The following IL1RAP variants were observed in gnomAD, a reference collection of about 807,000 sequenced individuals.
IL1RAP encodes interleukin-1 receptor accessory protein.
IL1RAP carries 35 observed loss-of-function variants against 60.7 expected under a neutral mutation model. The ratio of observed to expected loss-of-function variants is 0.58; its 90% CI spans 0.44 to 0.76. The LOEUF is 0.76. IL1RAP is among the 30% of genes least tolerant of loss of function. The pLI, the probability that IL1RAP is intolerant of heterozygous loss-of-function variation, is 0.00. For missense variants in IL1RAP, 572 were observed against 693.9 expected (o/e 0.82, Z 1.97); for synonymous variants, 268 against 250.9 (o/e 1.07, Z -0.64).
intron 9 of IL1RAP, among the ~76,000 whole-genome samples, chr3:190,636,368 T>C (rs1243147504): frequency 2.0e-5 from 3 of 152,194 alleles, no homozygotes; most frequent in African/African-American, 7.2e-5. Context: ...TGCCAGTATT[T>C]GTCTCATGTA....
At chr3:190,529,647 T>C (rs577395574) in intron 1 of IL1RAP, among the ~76,000 whole-genome samples, 2 of 134,472 alleles carry the variant, frequency 1.5e-5, no homozygotes, top group Non-Finnish European at 3.1e-5. Flanking sequence ...ATCGCGCCAC[T>C]GCACTCCAGC....
At chr3:190,606,521 C>A (rs757549617) in intron 4 of IL1RAP, among the ~76,000 whole-genome samples, 1 of 152,226 alleles carries the variant, frequency 6.6e-6, no homozygotes, top group African/African-American at 2.4e-5. Context: ...CTTAGTGCTT[C>A]AATATCAGTT....
intron 3 of IL1RAP, among the ~76,000 whole-genome samples, chr3:190,603,667 C>T (rs2193875): frequency 0.7 from 107,169 of 152,118 alleles, 38,015 homozygotes; most frequent in East Asian, 0.82. Context: ...TCTAAAATCA[C>T]GTATGTGTGT....
chr3:190,652,838 A>T (rs566083957), downstream of IL1RAP, among the ~76,000 whole-genome samples: 3 of 152,352 alleles, frequency 2.0e-5, no homozygotes, highest in South Asian at 6.2e-4. Context: ...CTACTAGAAC[A>T]TACTGGTGAC....
chr3:190,655,577 G>GTGTGTT (rs1355287703), downstream of IL1RAP, among the ~76,000 whole-genome samples: 1 of 150,654 alleles, frequency 6.6e-6, no homozygotes. Flanking sequence ...GTGTGTGTGT[G>GTGTGTT]TGTGTGTGTG....
chr3:190,616,598 T>G (rs1731292828), intron 5 of IL1RAP, among the ~76,000 whole-genome samples: 2 of 152,306 alleles, frequency 1.3e-5, no homozygotes, highest in African/African-American at 4.8e-5. Context: ...TATACCAACT[T>G]TATCTTGAAT....
chr3:190,555,309 C>T (rs1462209388), intron 1 of IL1RAP, among the ~76,000 whole-genome samples: 1 of 152,042 alleles, frequency 6.6e-6, no homozygotes, highest in Non-Finnish European at 1.5e-5. Context: ...CTCCTCTCTA[C>T]TCCGCTTCCT....
chr3:190,554,761 GT>G (rs1725257592), intron 1 of IL1RAP: 1 of 149,168 alleles, frequency 6.7e-6, no homozygotes, highest in Non-Finnish European at 1.5e-5. Flanking sequence ...GTGTGTGTGT[GT>G]GTCTCTAACT....
chr3:190,549,587 G>T (rs1051268655), intron 1 of IL1RAP, among the ~76,000 whole-genome samples: 1 of 152,188 alleles, frequency 6.6e-6, no homozygotes, highest in South Asian at 2.1e-4. Context: ...AGTCGGGGGT[G>T]AGGACAGCTC....
At chr3:190,615,076 A>G (rs867196217) in intron 5 of IL1RAP, among the ~76,000 whole-genome samples, 1 of 150,666 alleles carries the variant, frequency 6.6e-6, no homozygotes, top group South Asian at 2.1e-4. Context: ...TTTTTTCTGC[A>G]TGGCGGAAAA....
intron 5 of IL1RAP, among the ~76,000 whole-genome samples, chr3:190,611,841 G>A (rs1048689172): frequency 3.9e-5 from 6 of 152,068 alleles, no homozygotes; most frequent in African/African-American, 1.4e-4. Flanking sequence ...AGGTAGAAAA[G>A]GAGTGAGGAA....
At chr3:190,637,545 A>T (rs1265597206) in intron 9 of IL1RAP, among the ~76,000 whole-genome samples, 1 of 152,180 alleles carries the variant, frequency 6.6e-6, no homozygotes, top group African/African-American at 2.4e-5. Flanking sequence ...AGATGCAGAC[A>T]TCAGTAAACA....
At chr3:190,604,437 T>C in intron 4 of IL1RAP, 24 bp downstream of exon 4, 1 of 1,604,446 alleles carries the variant, frequency 6.2e-7, no homozygotes, top group Non-Finnish European at 8.5e-7. Flanking sequence ...TGGCAGTGGC[T>C]TTCTCTTTTC....
intron 3 of IL1RAP, among the ~76,000 whole-genome samples, chr3:190,597,628 GC>G (rs1489793428): frequency 1.3e-5 from 2 of 152,122 alleles, no homozygotes; most frequent in Non-Finnish European, 2.9e-5. Context: ...AATTCACATG[GC>G]CCCAACCCAA....
At chr3:190,629,549 G>A in intron 9 of IL1RAP, 51 bp downstream of exon 9, 3 of 1,563,132 alleles carry the variant, frequency 1.9e-6, no homozygotes, top group Non-Finnish European at 2.6e-6. Context: ...TAACATTGTG[G>A]TGAATAAGGA....
Position 190,619,391 on chromosome 3 carries a change from T to C in IL1RAP, c.538-884T>C, listed in dbSNP as rs1204085560. On this transcript the variant is annotated intron_variant, in intron 5 of 11. Transcript: ENST00000447382. ...CATTCCTAGATCTTGATCAGGCCCA[T>C]GAAGATATTTTATTTTTAGTTTCTG... 2.6e-5 allele frequency among the ~76,000 whole-genome samples: 4 copies of C among 152,110 alleles called. No homozygotes were observed. The South Asian group carries it at 8.3e-4, about 31-fold the overall frequency.
At chr3:190,597,723 C>A (rs976282449) in intron 3 of IL1RAP, among the ~76,000 whole-genome samples, 1 of 152,164 alleles carries the variant, frequency 6.6e-6, no homozygotes, top group Non-Finnish European at 1.5e-5. Flanking sequence ...AGTCTGTTCT[C>A]GTGATCACTA....
chr3:190,615,802 G>A (rs1021271699), intron 5 of IL1RAP, among the ~76,000 whole-genome samples: 1 of 152,148 alleles, frequency 6.6e-6, no homozygotes, highest in Non-Finnish European at 1.5e-5. Flanking sequence ...TATTAGGAAA[G>A]AACATTTCTG....
At chr3:190,633,519 G>C (rs868738772) in intron 9 of IL1RAP, among the ~76,000 whole-genome samples, 2 of 151,890 alleles carry the variant, frequency 1.3e-5, no homozygotes, top group Non-Finnish European at 1.5e-5. Flanking sequence ...ACCATACCCG[G>C]CTAATTTTTA....
Sources: gnomAD v4.1 joint callset for allele counts (sites outside exome capture counted in the v4.1 genomes callset) on GRCh38, gnomAD v4.1.1 for gene constraint, MANE v1.5 for transcripts, NCBI Gene and HGNC (gene_info 2026-07-23, HGNC 2026-07-21) for gene names.